The following SLC39A11 variants were observed in gnomAD, a reference collection of about 807,000 sequenced individuals.
SLC39A11 encodes zinc transporter ZIP11.
A neutral mutation model predicts 36.1 loss-of-function variants in SLC39A11; 33 were observed. The ratio of observed to expected loss-of-function variants is 0.91; its 90% confidence interval spans 0.69 to 1.22. SLC39A11 has a LOEUF of 1.22. SLC39A11 is among the 50% of genes most tolerant of loss of function. SLC39A11 has a pLI of 0.00. For missense variants in SLC39A11, 432 were observed against 430.3 expected, an observed-to-expected ratio of 1.00 and a Z score of -0.03; for synonymous variants, 166 against 170.3, an observed-to-expected ratio of 0.97 and a Z score of 0.20.
At chr17:72,835,097 C>T (rs575972137) in intron 6 of SLC39A11, among the ~76,000 whole-genome samples, 1 of 152,202 alleles carries the variant, frequency 6.6e-6, no homozygotes, top group Non-Finnish European at 1.5e-5. Flanking sequence ...AGTGTGCTAC[C>T]GGCTTCTGCC....
At chr17:72,908,631 C>T (rs2147067328) in intron 5 of SLC39A11, among the ~76,000 whole-genome samples, 1 of 152,278 alleles carries the variant, frequency 6.6e-6, no homozygotes, top group East Asian at 1.9e-4. Flanking sequence ...CGTCTACAGC[C>T]CATGGGGTGA....
At chr17:73,038,121 G>A (rs1436278422) in intron 3 of SLC39A11, among the ~76,000 whole-genome samples, 1 of 152,176 alleles carries the variant, frequency 6.6e-6, no homozygotes, top group Non-Finnish European at 1.5e-5. Context: ...CTACTCGGGA[G>A]GCTGAGACAT....
In SLC39A11 at chr17:72,829,934, G is replaced by C. The variant is rs529625675; in HGVS notation, c.601+19700C>G. Among the ~76,000 whole-genome samples the C allele has an allele frequency of 1.6e-4, 24 of 152,192 alleles. No individual in the cohort carries two copies. In the Middle Eastern group the frequency reaches 0.024, roughly 151 times the overall value. On this transcript the variant is annotated intron_variant, in intron 6 of 9. Coordinates refer to ENST00000255559, the MANE Select transcript of SLC39A11 (RefSeq NM_139177.4). ...TGAGTGTGTTCAGGAAGTTGACCTA[G>C]GGGAGGAGGGGATCGGTGCAGAGTC...
At chr17:72,782,583 G>A (rs1055467439) in intron 6 of SLC39A11, among the ~76,000 whole-genome samples, 1 of 151,468 alleles carries the variant, frequency 6.6e-6, no homozygotes, top group Non-Finnish European at 1.5e-5. Flanking sequence ...CGGTTACTTG[G>A]GAGGCTGAGG....
intron 7 of SLC39A11, among the ~76,000 whole-genome samples, chr17:72,720,671 G>A (rs1052363898): frequency 6.6e-6 from 1 of 152,182 alleles, no homozygotes; most frequent in African/African-American, 2.4e-5. Context: ...TCCACTCAGG[G>A]AGCTTTTCCT....
At chr17:72,787,253 CTTT>C (rs56100121) in intron 6 of SLC39A11, among the ~76,000 whole-genome samples, 1 of 80,482 alleles carries the variant, frequency 1.2e-5, no homozygotes, top group Non-Finnish European at 2.2e-5. Context: ...TAACCCATGG[CTTT>C]TTTTTTTTTT....
At chr17:72,800,865 G>A (rs1265408719) in intron 6 of SLC39A11, among the ~76,000 whole-genome samples, 2 of 152,104 alleles carry the variant, frequency 1.3e-5, no homozygotes, top group Admixed American at 6.5e-5. Context: ...AATTTAGACA[G>A]AATGAAAAAG....
intron 6 of SLC39A11, among the ~76,000 whole-genome samples, chr17:72,849,107 T>C (rs1484654175): frequency 1.3e-5 from 2 of 152,168 alleles, no homozygotes; most frequent in African/African-American, 2.4e-5. Context: ...ATATTTACTA[T>C]TCATTAAGTG....
intron 6 of SLC39A11, among the ~76,000 whole-genome samples, chr17:72,742,135 A>G (rs2074735058): frequency 1.3e-5 from 2 of 152,004 alleles, no homozygotes; most frequent in Admixed American, 1.3e-4. Flanking sequence ...CCCGGGAGGC[A>G]GAGGTTGCAG....
chr17:72,795,395 G>T (rs1462793871), intron 6 of SLC39A11, among the ~76,000 whole-genome samples: 4 of 152,110 alleles, frequency 2.6e-5, no homozygotes, highest in African/African-American at 9.7e-5. Flanking sequence ...TAACATGGCA[G>T]CTGGCTTCCC....
At chr17:72,789,967 T>C (rs1001625496) in intron 6 of SLC39A11, among the ~76,000 whole-genome samples, 1 of 152,090 alleles carries the variant, frequency 6.6e-6, no homozygotes, top group Non-Finnish European at 1.5e-5. Flanking sequence ...GTGCCAAAGA[T>C]TGAGCTGAGG....
chr17:72,784,375 G>T (rs1015781319), intron 6 of SLC39A11, among the ~76,000 whole-genome samples: 1 of 152,022 alleles, frequency 6.6e-6, no homozygotes, highest in Non-Finnish European at 1.5e-5. Flanking sequence ...AGGTTGGGGG[G>T]TGCGTGGGGC....
Position 72,887,951 on chromosome 17 carries a change from C to T in SLC39A11, c.431-38147G>A, listed in dbSNP as rs182593872. 2.9e-3 allele frequency among the ~76,000 whole-genome samples: 435 copies of T among 152,286 alleles called. 1 individual carries two copies. Among genetic ancestry groups the T allele is most frequent in the African/African-American group, 9.5e-3 (395 of 41,556 alleles). ...TCTCAATTGTTTTCAATGAGAATTT[C>T]GAAGTGATATTTTCCCCACTGCTCC... On this transcript the variant is annotated intron_variant, in intron 5 of 9. Transcript: ENST00000255559.
chr17:72,850,997 C>T (rs1041764519), intron 5 of SLC39A11, among the ~76,000 whole-genome samples: 11 of 151,964 alleles, frequency 7.2e-5, no homozygotes, highest in Non-Finnish European at 1.5e-4. Flanking sequence ...ACGTGATGCG[C>T]GAGCAGCTCT....
intron 6 of SLC39A11, among the ~76,000 whole-genome samples, chr17:72,798,387 C>G (rs1269420294): frequency 1.3e-5 from 2 of 150,008 alleles, no homozygotes; most frequent in African/African-American, 4.9e-5. Flanking sequence ...GAGAGAGAGA[C>G]TGAGCTCTGG....
chr17:72,736,350 G>GT (rs957179448), intron 7 of SLC39A11, among the ~76,000 whole-genome samples: 5 of 152,156 alleles, frequency 3.3e-5, no homozygotes, highest in South Asian at 2.1e-4. Context: ...GGCTGCCTTT[G>GT]TTTTTTGTCA....
Position 72,803,074 on chromosome 17 carries a change from A to C in SLC39A11, c.601+46560T>G, listed in dbSNP as rs1202415538. On this transcript the variant is annotated intron_variant, in intron 6 of 9. Coordinates refer to ENST00000255559, the MANE Select transcript of SLC39A11 (RefSeq NM_139177.4). Reference sequence around the variant, plus strand: ...CGGAACGTCCTGCTTTCTTGTTTGTAGAATACAAAGACGGGATTTGGTTTC... The same window carrying C: ...CGGAACGTCCTGCTTTCTTGTTTGTCGAATACAAAGACGGGATTTGGTTTC... Among the ~76,000 whole-genome samples the C allele has an allele frequency of 2.6e-5, 4 of 152,252 alleles. No homozygotes were observed. The East Asian group carries it at 7.7e-4, about 29-fold the overall frequency.
chr17:72,754,077 C>T (rs1404690019), intron 6 of SLC39A11, among the ~76,000 whole-genome samples: 1 of 149,608 alleles, frequency 6.7e-6, no homozygotes, highest in African/African-American at 2.5e-5. Flanking sequence ...CACACACACA[C>T]ACACACACAC....
At chr17:72,727,798 A>G (rs2073993519) in intron 7 of SLC39A11, among the ~76,000 whole-genome samples, 1 of 151,982 alleles carries the variant, frequency 6.6e-6, no homozygotes, top group African/African-American at 2.4e-5. Flanking sequence ...CCAGGTAGGG[A>G]GGTGGACAGA....
Sources: gnomAD v4.1 joint callset for allele counts (sites outside exome capture counted in the v4.1 genomes callset) on GRCh38, gnomAD v4.1.1 for gene constraint, MANE v1.5 for transcripts, NCBI Gene and HGNC (gene_info 2026-07-23, HGNC 2026-07-21) for gene names.